The following TRIM24 variants were observed in gnomAD, a reference collection of about 807,000 sequenced individuals.
TRIM24 encodes tripartite motif containing 24, also known as transcription intermediary factor 1-alpha.
TRIM24 carries 29 observed loss-of-function variants against 123.9 expected under a neutral mutation model. The observed-to-expected ratio is 0.23, with a 90% confidence interval of 0.17 to 0.32. The LOEUF (loss-of-function observed/expected upper bound fraction) is 0.32, where lower values mean the gene tolerates loss of function less well. Ranked by LOEUF, TRIM24 falls within the 10% of genes least tolerant of loss-of-function variation. TRIM24 has a pLI of 1.00. For synonymous variants in TRIM24, 456 were observed against 461.1 expected, an observed-to-expected ratio of 0.99 and a Z score of 0.14; for missense variants, 932 against 1,295.3, an observed-to-expected ratio of 0.72 and a Z score of 4.31.
At chr7:138,558,970 G>T (rs1797371496) in intron 9 of TRIM24, among the ~76,000 whole-genome samples, 2 of 152,166 alleles carry the variant, frequency 1.3e-5, no homozygotes, top group Non-Finnish European at 2.9e-5. Context: ...GTGCCCTGTG[G>T]GGCCAATGAT....
chr7:138,496,407 C>A (rs527566504), intron 1 of TRIM24, among the ~76,000 whole-genome samples: 1 of 152,150 alleles, frequency 6.6e-6, no homozygotes, highest in African/African-American at 2.4e-5. Flanking sequence ...TTCTTCCTTT[C>A]CAATCTGGAT....
intron 7 of TRIM24, among the ~76,000 whole-genome samples, chr7:138,543,009 G>A (rs1584730029): frequency 2.0e-5 from 3 of 152,142 alleles, no homozygotes; most frequent in South Asian, 2.1e-4. Flanking sequence ...AAGGGATAGA[G>A]GGAATAGAGA....
In TRIM24 at chr7:138,460,608, C is replaced by T; in HGVS notation, c.60C>T (p.Ser20=). ...AAAAAASAAA[S]GGPSAAPSGE... The stretch of plus-strand genomic sequence containing the variant: ...CGGCAGCGGCCTCGGCTGCGGCCTC[C>T]GGGGGGCCCTCGGCGGCGCCGAGCG... Residue 20 remains serine (S), a synonymous_variant, in exon 1 of 19, where the codon TCC becomes TCT. Coordinates refer to ENST00000343526, the MANE Select transcript of TRIM24 (RefSeq NM_015905.3). 7.3e-7 allele frequency: 1 copy of T among 1,361,438 alleles called. No homozygotes were observed. Among genetic ancestry groups the T allele is most frequent in the Non-Finnish European group, 9.4e-7 (1 of 1,064,458 alleles). The allele number at this position is 1,361,438 out of a possible 1,614,324, so 84.3% of individuals were successfully genotyped here. A position where few individuals can be genotyped will look rare whatever the true frequency, so the allele number is the denominator to read the frequency against.
At chr7:138,519,738 T>A (rs1430512028) in intron 4 of TRIM24, among the ~76,000 whole-genome samples, 2 of 152,214 alleles carry the variant, frequency 1.3e-5, no homozygotes, top group African/African-American at 2.4e-5. Flanking sequence ...TTACATTTTT[T>A]AAATATCTAG....
chr7:138,531,245 C>CATGTTACATATGTTACATATGTTTACAT (rs1796731892), intron 6 of TRIM24, among the ~76,000 whole-genome samples: 1 of 146,506 alleles, frequency 6.8e-6, no homozygotes, highest in Admixed American at 6.8e-5. Flanking sequence ...TTACACGTTA[C>CATGTTACATATGTTACATATGTTTACAT]ATGTTACATA....
chr7:138,565,942 A>G (rs1339254106), intron 9 of TRIM24, among the ~76,000 whole-genome samples: 1 of 152,154 alleles, frequency 6.6e-6, no homozygotes, highest in African/African-American at 2.4e-5. Context: ...GAGTAATGGT[A>G]AGGGGGATGA....
chr7:138,462,368 T>C (rs1007169294), intron 1 of TRIM24, among the ~76,000 whole-genome samples: 24 of 135,104 alleles, frequency 1.8e-4, no homozygotes, highest in Non-Finnish European at 2.9e-4. Context: ...TGAGACGGAG[T>C]CTCGCTCTGT....
chr7:138,556,045 C>A (rs1186541285), intron 9 of TRIM24, among the ~76,000 whole-genome samples: 1 of 152,016 alleles, frequency 6.6e-6, no homozygotes, highest in Non-Finnish European at 1.5e-5. Flanking sequence ...CCCTTAAGGA[C>A]CATTTTGGGC....
chr7:138,551,074 G>A lies in TRIM24; in HGVS notation c.1155G>A (p.Arg385=), dbSNP rs1187083545. 6.2e-7 allele frequency: 1 copy of A among 1,613,422 alleles called. No homozygotes were observed. Among genetic ancestry groups the A allele is most frequent in the Non-Finnish European group, 8.5e-7 (1 of 1,179,638 alleles). The change falls in exon 8 of 19, where the codon CGG becomes CGA. Residue 385 remains arginine, a synonymous_variant. Coordinates refer to ENST00000343526, the MANE Select transcript of TRIM24 (RefSeq NM_015905.3). The stretch of plus-strand genomic sequence containing the variant: ...CCTTTTTCTTCTAGATTACATACCG[G>A]TTACGGCACCTCCTTCGTGCAAGGT... ...LLYSKRLITY[R]LRHLLRARCD... is the part of the protein sequence containing the mutation.
intron 1 of TRIM24, among the ~76,000 whole-genome samples, chr7:138,483,542 G>A (rs560850420): frequency 3.3e-5 from 5 of 152,290 alleles, no homozygotes; most frequent in African/African-American, 1.2e-4. Context: ...TCTTTTATAA[G>A]CATATAGATA....
At chr7:138,538,532 AT>A (rs2116608313) in intron 6 of TRIM24, 124 bp from the exon 7 acceptor site, 2 of 1,090,800 alleles carry the variant, frequency 1.8e-6, no homozygotes, top group East Asian at 2.5e-5. Flanking sequence ...AAAACAGAGT[AT>A]TTTTAGTTTC....
chr7:138,497,367 C>T (rs569891386), intron 1 of TRIM24, among the ~76,000 whole-genome samples: 4 of 148,874 alleles, frequency 2.7e-5, no homozygotes, highest in East Asian at 3.9e-4. Context: ...CGCGCCTGGC[C>T]GATGGGAAGG....
intron 17 of TRIM24, 99 bp downstream of exon 17, chr7:138,581,870 A>G: frequency 1.1e-6 from 1 of 940,110 alleles, no homozygotes; most frequent in Non-Finnish European, 1.6e-6. Context: ...AGTACTTTTT[A>G]ATATCTAAAC....
At chr7:138,490,826 C>G (rs1195091541) in intron 1 of TRIM24, 7 of 461,870 alleles carry the variant, frequency 1.5e-5, no homozygotes, top group Non-Finnish European at 2.9e-5. Context: ...CCACATCTTT[C>G]AAGTCATTTG....
chr7:138,461,338 G>C, intron 1 of TRIM24: 1 of 446,996 alleles, frequency 2.2e-6, no homozygotes, highest in South Asian at 1.7e-5. Flanking sequence ...CTATACTCAC[G>C]TTATTTGAGC....
chr7:138,526,814 TG>T (rs1304801484), intron 5 of TRIM24, among the ~76,000 whole-genome samples: 82 of 152,218 alleles, frequency 5.4e-4, no homozygotes, highest in Non-Finnish European at 2.1e-4. Context: ...GTAGAATAAT[TG>T]GTGGGTTTAA....
chr7:138,554,589 C>T lies in TRIM24; in HGVS notation c.1262-109C>T, dbSNP rs1391618954. 8 of 1,198,084 alleles carry T rather than the reference C, an allele frequency of 6.7e-6. No individual in the cohort carries two copies. Among genetic ancestry groups the T allele is most frequent in the Non-Finnish European group, 9.4e-6 (8 of 851,618 alleles). The allele number at this position is 1,198,084 out of a possible 1,614,324, so 74.2% of individuals were successfully genotyped here. On this transcript the variant is annotated intron_variant, in intron 8 of 18. Coordinates refer to ENST00000343526, the MANE Select transcript of TRIM24 (RefSeq NM_015905.3). This position sits in a 1 kb window ranked among gnomAD's most constrained non-coding sequence, Gnocchi z 4.5. ...CAGAGTGTTAAAGGGCTCATGAGAT[C>T]AGAGAATTTCTTGGCAATTTTGAAG... is the stretch of plus-strand genomic sequence containing the variant.
intron 6 of TRIM24, among the ~76,000 whole-genome samples, chr7:138,531,929 A>G (rs1319432049): frequency 3.3e-5 from 5 of 152,096 alleles, no homozygotes; most frequent in African/African-American, 4.8e-5. Flanking sequence ...GTGAGCTGGT[A>G]TCTCATTGTG....
chr7:138,537,693 G>A (rs1358587307), intron 6 of TRIM24, among the ~76,000 whole-genome samples: 1 of 152,090 alleles, frequency 6.6e-6, no homozygotes, highest in Non-Finnish European at 1.5e-5. Context: ...ACTTAAATTA[G>A]ATATGGCAGA....
Sources: gnomAD v4.1 joint callset for allele counts (sites outside exome capture counted in the v4.1 genomes callset) on GRCh38, gnomAD v4.1.1 for gene constraint, Gnocchi (gnomAD v3.1) non-coding constraint, MANE v1.5 for transcripts, NCBI Gene and HGNC (gene_info 2026-07-23, HGNC 2026-07-21) for gene names.